Variants in RIDA observed in about 807,000 individuals in gnomAD.
The protein encoded by RIDA is 2-iminobutanoate/2-iminopropanoate deaminase.
A neutral mutation model predicts 17.8 loss-of-function variants in RIDA; 17 were observed. The ratio of observed to expected loss-of-function variants is 0.96; its 90% CI spans 0.65 to 1.43. The LOEUF is 1.43. RIDA is among the 40% of genes most tolerant of loss of function. RIDA has a pLI of 0.00. For missense variants in RIDA, 158 were observed against 161.7 expected (o/e 0.98, Z 0.12); for synonymous variants, 48 against 55.7 (o/e 0.86, Z 0.62).
intron 4 of RIDA, among the ~76,000 whole-genome samples, chr8:98,105,161 C>T (rs897507565): frequency 1.5e-5 from 2 of 129,534 alleles, no homozygotes; most frequent in Non-Finnish European, 3.2e-5. Context: ...CATACCCTAA[C>T]ATTTTGATCT....
intron 1 of RIDA, 126 bp from the exon 2 acceptor site, chr8:98,108,877 CATGA>C (rs1170350565): frequency 3.4e-6 from 2 of 591,636 alleles, no homozygotes; most frequent in Non-Finnish European, 6.0e-6. Context: ...CATTGGACTT[CATGA>C]AAATTGAAAA....
chr8:98,107,685 C>T (rs1815650540), intron 2 of RIDA, among the ~76,000 whole-genome samples: 2 of 152,142 alleles, frequency 1.3e-5, no homozygotes, highest in African/African-American at 4.8e-5. Flanking sequence ...GCAACTTCCA[C>T]CTCCCAGGTT....
intron 5 of RIDA, among the ~76,000 whole-genome samples, chr8:98,103,668 G>A (rs1387584026): frequency 1.3e-5 from 2 of 149,900 alleles, no homozygotes; most frequent in East Asian, 3.9e-4. Flanking sequence ...ATGGAGTCTC[G>A]CTCTGTCGCC....
At chr8:98,104,376 C>A in intron 5 of RIDA, 113 bp downstream of exon 5, 1 of 784,090 alleles carries the variant, frequency 1.3e-6, no homozygotes, top group Non-Finnish European at 2.2e-6. Context: ...GGTAAGCCAC[C>A]CTGCCCAGGC....
chr8:98,112,195 A>AAC (rs56178607), intron 1 of RIDA, among the ~76,000 whole-genome samples: 30,862 of 147,976 alleles, frequency 0.21, 3,516 homozygotes, highest in Middle Eastern at 0.28. Flanking sequence ...AACTATACTA[A>AAC]ACACACACAC....
Position 98,102,560 on chromosome 8 carries a change from G to A in RIDA, c.*282C>T, listed in dbSNP as rs922356432. On this transcript the variant is annotated 3_prime_UTR_variant, in exon 6 of 6. Coordinates refer to ENST00000254878, the MANE Select transcript of RIDA (RefSeq NM_005836.3). ...GAATAGTAACTCTTCTTTCCTACCT[G>A]GTATTTCTCTTTTGTTTACTGAGTA... 2.4e-5 allele frequency: 6 copies of A among 252,850 alleles called. No individual in the cohort carries two copies. The highest frequency in any genetic ancestry group is 3.7e-5 in the Non-Finnish European group (5 of 133,932). The allele number at this position is 252,850 out of a possible 1,614,324, so 15.7% of individuals were successfully genotyped here.
chr8:98,112,458 C>T (rs150413967), intron 1 of RIDA, among the ~76,000 whole-genome samples: 11 of 152,296 alleles, frequency 7.2e-5, no homozygotes, highest in Middle Eastern at 3.4e-3. Flanking sequence ...ACTATAACTA[C>T]TTGCTGATGT....
In RIDA at chr8:98,102,853, C is replaced by T. The variant is rs772831907; in HGVS notation, c.403G>A (p.Ala135Thr). ...AVAIQGPLTTASL is the reference protein window; with the variant it reads ...AVAIQGPLTTTSL Reference sequence around the variant, plus strand: ...AGCACTGGGCCCACTTATAGTGATGCCGTTGTCAGTGGTCCTTGGATAGCT... The same window carrying T: ...AGCACTGGGCCCACTTATAGTGATGTCGTTGTCAGTGGTCCTTGGATAGCT... The change falls in exon 6 of 6, where the codon GCA becomes ACA. Residue 135 changes from alanine (A) to threonine (T), a missense_variant. Ala to Thr is a moderately conservative substitution (Grantham distance 58, BLOSUM62 0). Coordinates refer to ENST00000254878, the MANE Select transcript of RIDA (RefSeq NM_005836.3). The T allele has an allele frequency of 1.1e-5, 18 of 1,611,906 alleles. No homozygotes were observed. The highest frequency in any genetic ancestry group is 1.4e-5 in the Non-Finnish European group (16 of 1,178,440).
At position 98,102,752 on chromosome 8, in the gene RIDA, A is replaced by G. The variant is rs1341762553; in HGVS notation, c.*90T>C. On this transcript the variant is annotated 3_prime_UTR_variant, in exon 6 of 6. Coordinates refer to ENST00000254878, the MANE Select transcript of RIDA (RefSeq NM_005836.3). ...TTTCATCAAACTCACACTGTCATCA[A>G]TTGTGAAAATTAAAAGGTTAATTAA... 1.2e-6 allele frequency: 1 copy of G among 852,194 alleles called. No homozygotes were observed. The highest frequency in any genetic ancestry group is 1.9e-6 in the Non-Finnish European group (1 of 540,488). The allele number at this position is 852,194 out of a possible 1,614,324, so 52.8% of individuals were successfully genotyped here. A position where few individuals can be genotyped will look rare whatever the true frequency, so the allele number is the denominator to read the frequency against.
At chr8:98,110,383 C>T (rs1815709184) in intron 1 of RIDA, among the ~76,000 whole-genome samples, 1 of 152,112 alleles carries the variant, frequency 6.6e-6, no homozygotes, top group South Asian at 2.1e-4. Flanking sequence ...CCTCAGCCTC[C>T]CAAGTAGCTG....
intron 1 of RIDA, among the ~76,000 whole-genome samples, chr8:98,115,756 C>G (rs57392722): frequency 0.27 from 40,746 of 151,908 alleles, 5,749 homozygotes; most frequent in Non-Finnish European, 0.32. Flanking sequence ...CAATATCTAG[C>G]TAAAATTTAA....
chr8:98,108,536 A>C (rs2130552133), intron 2 of RIDA, 110 bp downstream of exon 2: 2 of 723,836 alleles, frequency 2.8e-6, no homozygotes, highest in East Asian at 2.5e-5. Flanking sequence ...AGTTTAAAAA[A>C]CATTTATCTG....
chr8:98,102,999 C>T (rs1486798681), intron 5 of RIDA, 95 bp from the exon 6 acceptor site: 1 of 783,698 alleles, frequency 1.3e-6, no homozygotes, highest in East Asian at 2.5e-5. Context: ...AGCAATATAA[C>T]ATTTTTAACA....
rs778874908 is a variant in RIDA at position 98,106,340 on chromosome 8, CAAGA to C, written c.172-18_172-15del. 39 of 1,610,590 alleles carry C rather than the reference CAAGA, an allele frequency of 2.4e-5. No homozygotes were observed. Among genetic ancestry groups the C allele is most frequent in the Admixed American group, 5.0e-5 (3 of 59,888 alleles). ...GTTTTTAAGAGCCTGTGAACCAAGC[CAAGA>C]AAGGCCTAAGTCACTGATGTTAGAT... On this transcript the variant is annotated splice_polypyrimidine_tract_variant and intron_variant, in intron 2 of 5. Coordinates refer to ENST00000254878, the MANE Select transcript of RIDA (RefSeq NM_005836.3).
At chr8:98,115,249 G>A (rs11777059) in intron 1 of RIDA, among the ~76,000 whole-genome samples, 24,276 of 151,734 alleles carry the variant, frequency 0.16, 2,328 homozygotes, top group East Asian at 0.36. Flanking sequence ...TTAGCCGGGT[G>A]TGGTGGCACC....
chr8:98,114,910 C>T lies in RIDA; in HGVS notation c.65+2122G>A, dbSNP rs112875841. On this transcript the variant is annotated intron_variant, in intron 1 of 5. Coordinates refer to ENST00000254878, the MANE Select transcript of RIDA (RefSeq NM_005836.3). ...TTTTCCAATTTTTTTTTTCAATCTA[C>T]ACCAGGGACAACAAAGTAAATGATT... Among the ~76,000 whole-genome samples, 783 of 151,200 alleles carry T rather than the reference C, an allele frequency of 5.2e-3. 1 individual carries two copies. Among genetic ancestry groups the T allele is most frequent in the Non-Finnish European group, 7.3e-3 (492 of 67,730 alleles).
chr8:98,102,618 G>C lies in RIDA; in HGVS notation c.*224C>G. 1 of 387,726 alleles carries C rather than the reference G, an allele frequency of 2.6e-6. No individual in the cohort carries two copies. Among genetic ancestry groups the C allele is most frequent in the Non-Finnish European group, 4.6e-6 (1 of 215,524 alleles). The allele number at this position is 387,726 out of a possible 1,614,324, so 24.0% of individuals were successfully genotyped here. ...AATGGGTATCTCTTTCCTATATTCAGTAATACAGGTGCACACAGGTGTAAT... is the reference window on the plus strand; with the variant it reads ...AATGGGTATCTCTTTCCTATATTCACTAATACAGGTGCACACAGGTGTAAT... On this transcript the variant is annotated 3_prime_UTR_variant, in exon 6 of 6. Transcript: ENST00000254878.
chr8:98,106,069 A>G, intron 3 of RIDA, 63 bp from the exon 4 acceptor site: 1 of 1,253,896 alleles, frequency 8.0e-7, no homozygotes, highest in Non-Finnish European at 1.2e-6. Context: ...CATTACTTAG[A>G]AAAAGAGTGT....
chr8:98,114,586 G>A lies in RIDA; in HGVS notation c.65+2446C>T, dbSNP rs545495490. 3.1e-3 allele frequency among the ~76,000 whole-genome samples: 469 copies of A among 151,280 alleles called. 1 individual carries two copies. The highest frequency in any genetic ancestry group is 4.2e-3 in the Non-Finnish European group (288 of 67,920). ...CCTGAGCTTGTGATCCACCTGCCTC[G>A]GCCTCCCAAAGTGCTGGGATTACAG... On this transcript the variant is annotated intron_variant, in intron 1 of 5. Transcript: ENST00000254878.
Sources: gnomAD v4.1 joint callset for allele counts (sites outside exome capture counted in the v4.1 genomes callset) on GRCh38, gnomAD v4.1.1 for gene constraint, MANE v1.5 for transcripts, NCBI Gene and HGNC (gene_info 2026-07-23, HGNC 2026-07-21) for gene names.